Variants in FAM13A observed in about 807,000 individuals in gnomAD.
FAM13A encodes the protein family with sequence similarity 13 member A, also known as protein FAM13A.
In FAM13A, 76 loss-of-function variants were observed where a neutral mutation model predicts 129.6. The ratio of observed to expected loss-of-function variants is 0.59; its 90% CI spans 0.49 to 0.71. The LOEUF is 0.71. Ranked by LOEUF, FAM13A falls within the 30% of genes least tolerant of loss-of-function variation. FAM13A has a pLI of 0.00. For synonymous variants in FAM13A, 443 were observed against 449.9 expected, an observed-to-expected ratio of 0.98 and a Z score of 0.20; for missense variants, 1,108 against 1,249.3, an observed-to-expected ratio of 0.89 and a Z score of 1.70.
intron 7 of FAM13A, among the ~76,000 whole-genome samples, chr4:88,831,149 T>C (rs1733828920): frequency 6.6e-6 from 1 of 152,200 alleles, no homozygotes; most frequent in Admixed American, 6.5e-5. Context: ...CAGTTAGTGA[T>C]TATTGCCAAT....
intron 4 of FAM13A, among the ~76,000 whole-genome samples, chr4:88,976,918 T>C (rs1760995716): frequency 6.6e-6 from 1 of 152,134 alleles, no homozygotes; most frequent in South Asian, 2.1e-4. Context: ...GGTGTACAGC[T>C]GTGTAGCCTA....
intron 4 of FAM13A, among the ~76,000 whole-genome samples, chr4:88,974,565 C>A (rs896033307): frequency 6.6e-6 from 1 of 152,070 alleles, no homozygotes; most frequent in African/African-American, 2.4e-5. Context: ...GCAACCTCCG[C>A]CTCCTGGGTT....
chr4:88,960,011 G>A (rs899634294), intron 4 of FAM13A, among the ~76,000 whole-genome samples: 3 of 152,088 alleles, frequency 2.0e-5, no homozygotes, highest in African/African-American at 4.8e-5. Flanking sequence ...CACTTAAATC[G>A]CTTTGAGAAT....
intron 4 of FAM13A, among the ~76,000 whole-genome samples, chr4:88,989,320 G>C (rs1762653267): frequency 6.6e-6 from 1 of 151,896 alleles, no homozygotes; most frequent in Non-Finnish European, 1.5e-5. Flanking sequence ...AACCTGAGTT[G>C]GCCAGGCACA....
intron 6 of FAM13A, among the ~76,000 whole-genome samples, chr4:88,877,871 C>A (rs1015459356): frequency 6.6e-6 from 1 of 152,154 alleles, no homozygotes; most frequent in South Asian, 2.1e-4. Flanking sequence ...CAAGGCCCCT[C>A]GCAGTGGGAT....
At chr4:88,750,016 G>T in intron 15 of FAM13A, 107 bp from the exon 16 acceptor site, 3 of 1,173,770 alleles carry the variant, frequency 2.6e-6, no homozygotes, top group Non-Finnish European at 3.6e-6. Context: ...TGGGGTGGGG[G>T]CAGTGCGGAG....
chr4:88,731,853 T>A (rs1344225930), intron 22 of FAM13A, 149 bp downstream of exon 22: 2 of 673,664 alleles, frequency 3.0e-6, no homozygotes, highest in Admixed American at 3.3e-5. Context: ...AAAAAAGAAA[T>A]TTTTTAAAAA....
At chr4:88,738,961 T>G in intron 20 of FAM13A, 69 bp downstream of exon 20, 4 of 955,100 alleles carry the variant, frequency 4.2e-6, no homozygotes, top group Non-Finnish European at 6.9e-6. Flanking sequence ...GTTAGGGCCC[T>G]ATTCATATAT....
At chr4:88,870,281 T>C (rs1741133791) in intron 6 of FAM13A, among the ~76,000 whole-genome samples, 1 of 152,072 alleles carries the variant, frequency 6.6e-6, no homozygotes, top group South Asian at 2.1e-4. Context: ...CTGGGACTGG[T>C]TGGACAGTGG....
intron 13 of FAM13A, among the ~76,000 whole-genome samples, chr4:88,760,066 A>C (rs1392734273): frequency 6.6e-6 from 1 of 152,222 alleles, no homozygotes; most frequent in Non-Finnish European, 1.5e-5. Flanking sequence ...AAAACTAAGA[A>C]CATCTGGAAA....
chr4:88,823,063 C>G, intron 7 of FAM13A: 1 of 1,609,834 alleles, frequency 6.2e-7, no homozygotes, highest in Non-Finnish European at 8.5e-7. Context: ...CAAGTTTGGT[C>G]GTCTGTACAG....
intron 7 of FAM13A, among the ~76,000 whole-genome samples, chr4:88,810,367 A>G (rs931593019): frequency 6.6e-6 from 1 of 152,304 alleles, no homozygotes; most frequent in Non-Finnish European, 1.5e-5. Flanking sequence ...TTATTTAGAA[A>G]CAGGGTCTTG....
intron 2 of FAM13A, among the ~76,000 whole-genome samples, chr4:89,028,206 CAAA>C (rs35426702): frequency 6.4e-5 from 5 of 78,590 alleles, no homozygotes; most frequent in Non-Finnish European, 1.0e-4. Context: ...ACCTCCGTCT[CAAA>C]AAAAAAAAAA....
intron 4 of FAM13A, among the ~76,000 whole-genome samples, chr4:88,982,898 T>C (rs1761812546): frequency 6.6e-6 from 1 of 152,216 alleles, no homozygotes; most frequent in African/African-American, 2.4e-5. Flanking sequence ...AAGTGTTGCC[T>C]GCTTATGGCT....
At position 89,047,353 on chromosome 4, in the gene FAM13A, C is replaced by T. The variant is rs189839004; in HGVS notation, c.27+9585G>A. ...AGTTCCTCATTTTATACTCCAGACA[C>T]GTGTTACTATCACAACAAGAAAATT... On this transcript the variant is annotated intron_variant, in intron 1 of 23. Coordinates refer to ENST00000264344, the MANE Select transcript of FAM13A (RefSeq NM_014883.4). 2.6e-5 allele frequency among the ~76,000 whole-genome samples: 4 copies of T among 152,086 alleles called. No homozygotes were observed. The East Asian group carries it at 7.7e-4, about 29-fold the overall frequency.
intron 6 of FAM13A, among the ~76,000 whole-genome samples, chr4:88,893,382 T>G (rs1051889596): frequency 6.6e-6 from 1 of 152,180 alleles, no homozygotes; most frequent in African/African-American, 2.4e-5. Flanking sequence ...CCCAGCACTT[T>G]GGGAGGCCAA....
intron 5 of FAM13A, among the ~76,000 whole-genome samples, chr4:88,919,363 A>T (rs890768087): frequency 2.8e-4 from 43 of 152,376 alleles, no homozygotes; most frequent in African/African-American, 9.1e-4. Flanking sequence ...CTTTTATTGA[A>T]TGCACTAGAG....
rs199936059 is a variant in FAM13A at position 88,945,990 on chromosome 4, G to GTATATATATATATA, written c.606-7763_606-7750dup. Among the ~76,000 whole-genome samples the GTATATATATATATA allele has an allele frequency of 1.8e-3, 110 of 61,802 alleles. 2 individuals are homozygous for GTATATATATATATA. Among genetic ancestry groups the GTATATATATATATA allele is most frequent in the Middle Eastern group, 0.01 (1 of 100 alleles). The allele number at this position is 61,802 out of a possible 152,430, so 40.5% of individuals were successfully genotyped here. ...TGTGTGTGTGTGTGTGTGTGTGTGT[G>GTATATATATATATA]TATATATATATATATATATATATAT... On this transcript the variant is annotated intron_variant, in intron 4 of 23. Transcript: ENST00000264344.
chr4:88,751,621 A>G (rs925347269), intron 14 of FAM13A, among the ~76,000 whole-genome samples: 15 of 152,160 alleles, frequency 9.9e-5, no homozygotes, highest in Non-Finnish European at 1.5e-5. Context: ...TTAAAAAAAA[A>G]AAAAACACGC....
Sources: allele counts gnomAD v4.1 joint callset (sites outside exome capture counted in the v4.1 genomes callset), GRCh38; gene constraint gnomAD v4.1.1; transcripts MANE v1.5; gene names NCBI Gene and HGNC (gene_info 2026-07-23, HGNC 2026-07-21).